The following MYEF2 variants were observed in gnomAD, a reference collection of about 807,000 sequenced individuals.
The protein encoded by MYEF2 is myelin expression factor 2, also known as myelin gene expression factor 2.
A neutral mutation model predicts 75.2 loss-of-function variants in MYEF2; 37 were observed. That is an observed-to-expected ratio of 0.49 (90% CI 0.38 to 0.65). MYEF2 has a LOEUF of 0.65. MYEF2 is among the 30% of genes least tolerant of loss of function. MYEF2 has a pLI of 0.00. For synonymous variants in MYEF2, 195 were observed against 241.6 expected, an observed-to-expected ratio of 0.81 and a Z score of 1.79; for missense variants, 634 against 771.4, an observed-to-expected ratio of 0.82 and a Z score of 2.11.
Position 48,149,302 on chromosome 15 carries a change from C to G in MYEF2, c.1448G>C (p.Ser483Thr). The G allele has an allele frequency of 1.2e-6, 2 of 1,613,226 alleles. No homozygotes were observed. The highest frequency in any genetic ancestry group is 1.1e-5 in the South Asian group (1 of 91,062). The stretch of plus-strand genomic sequence containing the variant: ...TATACCTGGTCCCATTCTATCAAAG[C>G]TGGAACTCATCCGGTCCAGTCCCAT... Reference protein sequence around the residue: ...MGMGLDRMSSSFDRMGPGIGA... With the variant: ...MGMGLDRMSSTFDRMGPGIGA... Residue 483 changes from serine to threonine, a missense_variant, in exon 15 of 17, where the codon AGC becomes ACC. By Grantham distance (58) the Ser-to-Thr change is moderately conservative. Coordinates refer to ENST00000324324, the MANE Select transcript of MYEF2 (RefSeq NM_016132.5). The surrounding 1 kb of genome is among the most constrained non-coding windows in gnomAD (Gnocchi z 4.0).
At chr15:48,162,835 T>C (rs1425190449) in intron 5 of MYEF2, 1 of 152,178 alleles carries the variant, frequency 6.6e-6, no homozygotes, top group Non-Finnish European at 1.5e-5. Flanking sequence ...AATCAATAAA[T>C]GTTCTGACTG....
intron 1 of MYEF2, among the ~76,000 whole-genome samples, chr15:48,177,106 T>C (rs1295739336): frequency 2.0e-5 from 3 of 152,208 alleles, no homozygotes; most frequent in Admixed American, 6.5e-5. Context: ...CTCTGAGGCA[T>C]AACAGAGAAG....
At chr15:48,169,136 T>G (rs1411954228) in intron 1 of MYEF2, among the ~76,000 whole-genome samples, 4 of 152,282 alleles carry the variant, frequency 2.6e-5, no homozygotes, top group South Asian at 4.1e-4. Context: ...TAAATGCTAT[T>G]AGACTGGAAC....
intron 5 of MYEF2, among the ~76,000 whole-genome samples, chr15:48,165,118 C>A (rs1302786936): frequency 6.6e-6 from 1 of 152,040 alleles, no homozygotes; most frequent in African/African-American, 2.4e-5. Flanking sequence ...CTATTAAATG[C>A]CATGGGTGAC....
intron 5 of MYEF2, among the ~76,000 whole-genome samples, chr15:48,160,789 G>A (rs62000703): frequency 1.3e-5 from 2 of 151,880 alleles, no homozygotes; most frequent in Non-Finnish European, 2.9e-5. Context: ...TAGGATGGCT[G>A]GAGAATAAAA....
intron 1 of MYEF2, among the ~76,000 whole-genome samples, chr15:48,173,779 A>G (rs1333792680): frequency 6.6e-6 from 1 of 152,096 alleles, no homozygotes; most frequent in Non-Finnish European, 1.5e-5. Context: ...ATACCTAGAA[A>G]TAAATTTAAC....
At chr15:48,145,326 A>C (rs556986728) in intron 16 of MYEF2, among the ~76,000 whole-genome samples, 1 of 152,034 alleles carries the variant, frequency 6.6e-6, no homozygotes, top group South Asian at 2.1e-4. Flanking sequence ...TTCTAAAGAT[A>C]AATAATTGAG....
intron 6 of MYEF2, 100 bp from the exon 7 acceptor site, chr15:48,159,022 A>G: frequency 2.0e-6 from 2 of 1,003,566 alleles, no homozygotes; most frequent in Non-Finnish European, 2.9e-6. Context: ...ATAAAGAACC[A>G]TAATTCTAGT....
chr15:48,175,171 G>T (rs1458431665), intron 1 of MYEF2, among the ~76,000 whole-genome samples: 2 of 152,106 alleles, frequency 1.3e-5, no homozygotes, highest in Non-Finnish European at 2.9e-5. Context: ...TGCAACAACA[G>T]AGATAAACCT....
chr15:48,134,725 C>A lies in MYEF2; in HGVS notation c.*8183G>T. 1 of 733,360 alleles carries A rather than the reference C, an allele frequency of 1.4e-6. No individual in the cohort carries two copies. The highest frequency in any genetic ancestry group is 2.2e-6 in the Non-Finnish European group (1 of 454,446). 45.4% of individuals were successfully genotyped at this position (733,360 alleles called of 1,614,324 possible). On this transcript the variant is annotated 3_prime_UTR_variant, in exon 17 of 17. Transcript: ENST00000324324. ...AGCTCTTGGTCAGATTTATGAAAGT[C>A]TGTGTAAGTTAGAACACAATTTTAC...
In MYEF2 at chr15:48,138,332, A is replaced by G. The variant is rs1268909814; in HGVS notation, c.*4576T>C. 1 of 152,042 alleles carries G rather than the reference A, an allele frequency of 6.6e-6. No homozygotes were observed. Among genetic ancestry groups the G allele is most frequent in the East Asian group, 1.9e-4 (1 of 5,194 alleles). 9.4% of individuals were successfully genotyped at this position (152,042 alleles called of 1,614,324 possible). ...ATTATCCTTCTACTAAATTAAATTG[A>G]ATAAAGAAATATACTCAATTTTCAT... is the stretch of plus-strand genomic sequence containing the variant. On this transcript the variant is annotated 3_prime_UTR_variant, in exon 17 of 17. Transcript: ENST00000324324.
At chr15:48,170,902 C>T (rs1015631975) in intron 1 of MYEF2, among the ~76,000 whole-genome samples, 2 of 152,108 alleles carry the variant, frequency 1.3e-5, no homozygotes, top group African/African-American at 2.4e-5. Context: ...ACAGATGTTG[C>T]CAGAAAAACT....
In MYEF2 at chr15:48,142,863, G is replaced by C. The variant is rs761057504; in HGVS notation, c.*45C>G. The C allele has an allele frequency of 9.9e-6, 15 of 1,518,498 alleles. No homozygotes were observed. The highest frequency in any genetic ancestry group is 1.3e-5 in the Non-Finnish European group (15 of 1,134,056). 94.1% of individuals were successfully genotyped at this position (1,518,498 alleles called of 1,614,324 possible). On this transcript the variant is annotated 3_prime_UTR_variant, in exon 17 of 17. Transcript: ENST00000324324. ...TTTAAAAAAATGACTTTTACTAGGAGATTCAGCAAAACAGATGTAGGAATG... is the reference window on the plus strand; with the variant it reads ...TTTAAAAAAATGACTTTTACTAGGACATTCAGCAAAACAGATGTAGGAATG...
chr15:48,171,256 A>G (rs527518860), intron 1 of MYEF2, among the ~76,000 whole-genome samples: 1 of 152,364 alleles, frequency 6.6e-6, no homozygotes, highest in African/African-American at 2.4e-5. Flanking sequence ...GACTCTATTC[A>G]GTAAGCAGAT....
intron 16 of MYEF2, among the ~76,000 whole-genome samples, chr15:48,144,128 C>T (rs1466178057): frequency 1.3e-5 from 2 of 151,824 alleles, no homozygotes; most frequent in Non-Finnish European, 2.9e-5. Flanking sequence ...TTTAGTCTGG[C>T]AACCAAATCA....
Position 48,136,677 on chromosome 15 carries a change from T to C in MYEF2, c.*6231A>G, listed in dbSNP as rs1316879330. On this transcript the variant is annotated 3_prime_UTR_variant, in exon 17 of 17. Coordinates refer to ENST00000324324, the MANE Select transcript of MYEF2 (RefSeq NM_016132.5). The stretch of plus-strand genomic sequence containing the variant: ...TAATTTAAAAACACAAATTTCTCTT[T>C]TGTAGGTATGAAGGGGCTTTACTGC... 6.3e-7 allele frequency: 1 copy of C among 1,582,558 alleles called. No individual in the cohort carries two copies. The highest frequency in any genetic ancestry group is 8.6e-7 in the Non-Finnish European group (1 of 1,164,494).
In MYEF2 at chr15:48,134,803, A is replaced by G; in HGVS notation, c.*8105T>C. The stretch of plus-strand genomic sequence containing the variant: ...GATAACAATATTTAACTACAAATAT[A>G]TAAACAATTTTAGTATTATACTAAG... On this transcript the variant is annotated 3_prime_UTR_variant, in exon 17 of 17. Coordinates refer to ENST00000324324, the MANE Select transcript of MYEF2 (RefSeq NM_016132.5). 1 of 1,108,766 alleles carries G rather than the reference A, an allele frequency of 9.0e-7. No homozygotes were observed. Among genetic ancestry groups the G allele is most frequent in the South Asian group, 1.5e-5 (1 of 67,710 alleles). 68.7% of individuals were successfully genotyped at this position (1,108,766 alleles called of 1,614,324 possible).
intron 1 of MYEF2, among the ~76,000 whole-genome samples, chr15:48,177,387 A>G (rs2040572232): frequency 6.6e-6 from 1 of 151,200 alleles, no homozygotes; most frequent in Non-Finnish European, 1.5e-5. Flanking sequence ...ATAATCATAC[A>G]CTGAGTTAAA....
At chr15:48,163,172 A>G (rs1338989781) in intron 5 of MYEF2, among the ~76,000 whole-genome samples, 1 of 152,172 alleles carries the variant, frequency 6.6e-6, no homozygotes, top group Non-Finnish European at 1.5e-5. Context: ...ACAGGTAAAA[A>G]CACAAAATTT....
Sources: gnomAD v4.1 joint callset for allele counts (sites outside exome capture counted in the v4.1 genomes callset) on GRCh38, gnomAD v4.1.1 for gene constraint, Gnocchi (gnomAD v3.1) non-coding constraint, MANE v1.5 for transcripts, NCBI Gene and HGNC (gene_info 2026-07-23, HGNC 2026-07-21) for gene names.